Variants in TNRC18 observed in about 807,000 individuals in gnomAD.
TNRC18 encodes the protein trinucleotide repeat containing 18, also known as trinucleotide repeat-containing gene 18 protein.
In TNRC18, 69 loss-of-function variants were observed where a neutral mutation model predicts 226.7. That is an observed-to-expected ratio of 0.30 (90% confidence interval 0.25 to 0.37). The LOEUF (loss-of-function observed/expected upper bound fraction) is 0.37, where lower values mean the gene tolerates loss of function less well. Among genes scored for constraint, TNRC18 ranks in the 10% least tolerant of loss-of-function variants. The pLI is 1.00. For missense variants in TNRC18, 4,754 were observed against 4,256.6 expected (o/e 1.12, Z -3.25); for synonymous variants, 2,449 against 1,927.6 (o/e 1.27, Z -7.09).
intron 5 of TNRC18, among the ~76,000 whole-genome samples, chr7:5,383,077 A>T (rs10278241): frequency 0.074 from 8,426 of 113,248 alleles, 828 homozygotes; most frequent in African/African-American, 0.37. Flanking sequence ...TTTTATTTTT[A>T]TTTTTGTAGA....
At position 5,337,114 on chromosome 7, in the gene TNRC18, A is replaced by T. The variant is rs1790195002; in HGVS notation, c.5720-4065T>A. ...AAACGGCTGACAAAGATAAACACGA[A>T]CCCCCAGGAACAACAAGAAAAATGT... is the stretch of plus-strand genomic sequence containing the variant. On this transcript the variant is annotated intron_variant, in intron 18 of 29. Transcript: ENST00000430969. Among the ~76,000 whole-genome samples the T allele has an allele frequency of 3.3e-5, 5 of 152,100 alleles. No individual in the cohort carries two copies. The South Asian group carries it at 1.0e-3, about 31-fold the overall frequency.
At chr7:5,364,462 A>ACACACACACACACACAC (rs778462099) in intron 11 of TNRC18, among the ~76,000 whole-genome samples, 2 of 116,638 alleles carry the variant, frequency 1.7e-5, no homozygotes, top group African/African-American at 3.2e-5. Context: ...TCTCAAAGAA[A>ACACACACACACACACAC]ACACACACAC....
At chr7:5,411,384 G>A (rs1202916728) in intron 2 of TNRC18, among the ~76,000 whole-genome samples, 2 of 151,574 alleles carry the variant, frequency 1.3e-5, no homozygotes, top group Non-Finnish European at 2.9e-5. Context: ...CGTGTGTGGT[G>A]ACTCACACCT....
intron 11 of TNRC18, among the ~76,000 whole-genome samples, chr7:5,367,265 T>A (rs990372124): frequency 1.3e-5 from 2 of 151,800 alleles, no homozygotes; most frequent in African/African-American, 2.4e-5. Flanking sequence ...CTTGGGAAGC[T>A]GAGGCAGGAG....
chr7:5,339,215 GTTTCTTTTTT>G (rs1268819414), intron 18 of TNRC18, among the ~76,000 whole-genome samples: 1 of 140,624 alleles, frequency 7.1e-6, no homozygotes, highest in African/African-American at 2.5e-5. Context: ...TGTTTTTTTT[GTTTCTTTTTT>G]TTTCTTTTTT....
chr7:5,404,763 A>AGTGTGTGTGTGTGTGTGTGT (rs57464872), intron 2 of TNRC18, among the ~76,000 whole-genome samples: 150 of 147,222 alleles, frequency 1.0e-3, no homozygotes, highest in African/African-American at 3.6e-3. Context: ...GCACACTTTC[A>AGTGTGTGTGTGTGTGTGTGT]GTGTGTGTGT....
intron 2 of TNRC18, among the ~76,000 whole-genome samples, chr7:5,414,851 C>G (rs1782075269): frequency 6.6e-6 from 1 of 152,186 alleles, no homozygotes; most frequent in South Asian, 2.1e-4. Context: ...GTCAATTGTC[C>G]CAATGATGTT....
At chr7:5,343,912 G>A (rs578216609) in intron 18 of TNRC18, among the ~76,000 whole-genome samples, 1 of 152,296 alleles carries the variant, frequency 6.6e-6, no homozygotes, top group Non-Finnish European at 1.5e-5. Context: ...GTATCTCCAA[G>A]ACATGCTTGT....
Position 5,314,045 on chromosome 7 carries a change from C to T in TNRC18, c.7028-182G>A, listed in dbSNP as rs35481569. ...TCATCAGGGCTCATTGCAGCCCTAA[C>T]CTGCCTGGGCTCATGTGAGCCTCCA... On this transcript the variant is annotated intron_variant, in intron 26 of 29. Transcript: ENST00000430969. Among the ~76,000 whole-genome samples the T allele has an allele frequency of 0.14, 20,817 of 151,890 alleles. 1,680 individuals are homozygous for T. The highest frequency in any genetic ancestry group is 0.24 in the Admixed American group (3,619 of 15,246).
intron 2 of TNRC18, among the ~76,000 whole-genome samples, chr7:5,416,110 G>A (rs1408313409): frequency 1.0e-4 from 8 of 77,668 alleles, no homozygotes; most frequent in East Asian, 3.5e-4. Flanking sequence ...AGACTCTCTC[G>A]CAAAAAAAAA....
At chr7:5,328,233 A>G (rs373575555) in intron 19 of TNRC18, among the ~76,000 whole-genome samples, 58 of 151,462 alleles carry the variant, frequency 3.8e-4, no homozygotes, top group African/African-American at 1.3e-3. Context: ...AACAAAAAAA[A>G]TACTGATGTC....
chr7:5,374,556 T>TCCC, intron 9 of TNRC18, 72 bp from the exon 10 acceptor site: 1 of 1,457,566 alleles, frequency 6.9e-7, no homozygotes, highest in Non-Finnish European at 9.1e-7. Context: ...ACCTGCCCTG[T>TCCC]CCCCCCAAGG....
intron 27 of TNRC18, among the ~76,000 whole-genome samples, chr7:5,310,946 GTT>G (rs1273437963): frequency 6.6e-6 from 1 of 151,816 alleles, no homozygotes; most frequent in East Asian, 1.9e-4. Context: ...GTGTGCACGT[GTT>G]TGTGTGTGTG....
Position 5,356,830 on chromosome 7 carries a change from CG to C in TNRC18, c.5194+85del, listed in dbSNP as rs59857141. 1.1e-4 allele frequency: 89 copies of C among 807,050 alleles called. No individual in the cohort carries two copies. In the East Asian group the frequency reaches 2.4e-3, roughly 21 times the overall value. 50.0% of individuals were successfully genotyped at this position (807,050 alleles called of 1,614,324 possible). A position where few individuals can be genotyped will look rare whatever the true frequency, so the allele number is the denominator to read the frequency against. On this transcript the variant is annotated intron_variant, in intron 16 of 29. Coordinates refer to ENST00000430969, the MANE Select transcript of TNRC18 (RefSeq NM_001080495.3). ...CGAGAGCGAGAGAGAGAGTGAGGGG[CG>C]GGGGGGGAAGGAGGACGGTGGAGAG...
intron 19 of TNRC18, among the ~76,000 whole-genome samples, chr7:5,326,474 T>TG (rs1454060828): frequency 2.0e-5 from 3 of 152,184 alleles, no homozygotes; most frequent in African/African-American, 7.2e-5. Context: ...AGACAGGGTC[T>TG]GGCTGTGTTG....
intron 5 of TNRC18, among the ~76,000 whole-genome samples, chr7:5,383,154 T>C (rs1245157168): frequency 6.6e-6 from 1 of 152,178 alleles, no homozygotes; most frequent in African/African-American, 2.4e-5. Context: ...CTGCCCACCT[T>C]GGCCTCCCAA....
chr7:5,352,212 A>G, intron 16 of TNRC18, 118 bp from the exon 17 acceptor site: 1 of 1,081,470 alleles, frequency 9.2e-7, no homozygotes, highest in Non-Finnish European at 1.3e-6. Flanking sequence ...AACAGGTCCG[A>G]ATACCTAGTA....
chr7:5,331,334 A>G (rs1377353269), intron 19 of TNRC18, among the ~76,000 whole-genome samples: 2 of 152,194 alleles, frequency 1.3e-5, no homozygotes, highest in Non-Finnish European at 2.9e-5. Context: ...CAAAAAGGGT[A>G]ACAGGCCCGA....
At position 5,377,301 on chromosome 7, in the gene TNRC18, T is replaced by A. The variant is rs938548180; in HGVS notation, c.2461+70A>T. On this transcript the variant is annotated intron_variant, in intron 7 of 29. Transcript: ENST00000430969. This position sits in a 1 kb window ranked among gnomAD's most constrained non-coding sequence, Gnocchi z 5.8. Reference sequence around the variant, plus strand: ...CGGCAGGCAGGAGCCAGCCCTGAGCTCTTGTCCTGCACCCGCCCCCTCCCA... The same window carrying A: ...CGGCAGGCAGGAGCCAGCCCTGAGCACTTGTCCTGCACCCGCCCCCTCCCA... The A allele has an allele frequency of 5.7e-6, 8 of 1,408,572 alleles. No individual in the cohort carries two copies. In the African/African-American group the frequency reaches 1.2e-4, roughly 20 times the overall value. 87.3% of individuals were successfully genotyped at this position (1,408,572 alleles called of 1,614,324 possible).
Sources: allele counts gnomAD v4.1 joint callset (sites outside exome capture counted in the v4.1 genomes callset), GRCh38; gene constraint gnomAD v4.1.1; non-coding constraint Gnocchi (gnomAD v3.1); transcripts MANE v1.5; gene names NCBI Gene and HGNC (gene_info 2026-07-23, HGNC 2026-07-21).